LGALS4: variants seen among roughly 807,000 people sequenced by gnomAD.
LGALS4 encodes the protein galectin-4.
Under a neutral mutation model 39.6 loss-of-function variants are expected in LGALS4, and 37 were observed. That is an observed-to-expected ratio of 0.93 (90% CI 0.72 to 1.23). LGALS4 has a LOEUF of 1.23. LGALS4 is among the 50% of genes most tolerant of loss of function. The pLI is 0.00. For missense variants in LGALS4, 397 were observed against 433.2 expected (o/e 0.92, Z 0.74); for synonymous variants, 160 against 165.5 (o/e 0.97, Z 0.25).
rs757039168 is a variant in LGALS4 at position 38,812,484 on chromosome 19, G to A, written c.81C>T (p.Leu27=). ...LPYYQPIPGG[L]NVGMSVYIQG... ...GGATGTAAACAGACATTCCCACGTT[G>A]AGCCCGCCCGGGATGGGCTGGTAGT... Residue 27 remains leucine (L), a synonymous_variant, in exon 2 of 10, where the codon CTC becomes CTT. Transcript: ENST00000307751. 7.4e-6 allele frequency: 12 copies of A among 1,614,080 alleles called. No individual in the cohort carries two copies. Among genetic ancestry groups the A allele is most frequent in the Non-Finnish European group, 1.0e-5 (12 of 1,180,040 alleles).
At position 38,812,928 on chromosome 19, in the gene LGALS4, G is replaced by T; in HGVS notation, c.-42C>A. The T allele has an allele frequency of 2.5e-6, 4 of 1,590,904 alleles. No individual in the cohort carries two copies. The highest frequency in any genetic ancestry group is 1.3e-5 in the African/African-American group (1 of 74,664). On this transcript the variant is annotated 5_prime_UTR_variant, in exon 1 of 10. Coordinates refer to ENST00000307751, the MANE Select transcript of LGALS4 (RefSeq NM_006149.4). ...AGTGGCTGGTCCTGTGAGAAGAGCT[G>T]CAGGAGTGGGAGATGGTGGCGGATG... is the stretch of plus-strand genomic sequence containing the variant.
intron 3 of LGALS4, 71 bp from the exon 4 acceptor site, chr19:38,806,666 G>A: frequency 3.2e-6 from 5 of 1,557,382 alleles, no homozygotes; most frequent in Admixed American, 1.7e-5. Flanking sequence ...GGAAGCAAGG[G>A]CAGGGCACCC....
intron 2 of LGALS4, among the ~76,000 whole-genome samples, chr19:38,810,138 C>G (rs1421673519): frequency 6.6e-6 from 1 of 152,120 alleles, no homozygotes; most frequent in Non-Finnish European, 1.5e-5. Context: ...TGTTCCCTTC[C>G]CAGGCAGGCC....
intron 2 of LGALS4, 140 bp downstream of exon 2, chr19:38,812,291 T>C: frequency 1.5e-6 from 1 of 679,162 alleles, no homozygotes; most frequent in Non-Finnish European, 2.5e-6. Context: ...CCCAGATTCA[T>C]CTCTGGCTAT....
rs201661817 is a variant in LGALS4 at position 38,801,835 on chromosome 19, G to A, written c.901C>T (p.Leu301Phe). ...GTGTCCACCCTCTGGAAGGCCGAGA[G>A]GCGATGGGCAAAGTCAAAGAGGTGC... ...GQHLFDFAHR[L>F]SAFQRVDTLE... The change falls in exon 10 of 10, where the codon CTC (leucine) becomes TTC (phenylalanine). Residue 301 changes from leucine to phenylalanine, a missense_variant. Physicochemically the swap from Leu to Phe is conservative, Grantham distance 22. Transcript: ENST00000307751. 2.0e-5 allele frequency: 32 copies of A among 1,614,216 alleles called. No homozygotes were observed. In the African/African-American group the frequency reaches 2.9e-4, roughly 15 times the overall value.
In LGALS4 at chr19:38,803,523, G is replaced by A. The variant is rs770321506; in HGVS notation, c.569C>T (p.Pro190Leu). 7.4e-5 allele frequency: 119 copies of A among 1,613,714 alleles called. No homozygotes were observed. Among genetic ancestry groups the A allele is most frequent in the Non-Finnish European group, 1.0e-4 (118 of 1,179,842 alleles). ...PTMEGPPTFN[P>L]PVPYFGRLQG... is the part of the protein sequence containing the mutation. ...CATCTCTGTTTCCCCAAGCCATACC[G>A]GGTTGAAGGTTGGGGGTCCTTCCAT... The change falls in exon 7 of 10, where the codon CCG (proline) becomes CTG (leucine). Residue 190 changes from proline to leucine, a missense_variant and splice_region_variant. Physicochemically the swap from Pro to Leu is moderately conservative, Grantham distance 98. Transcript: ENST00000307751.
intron 2 of LGALS4, among the ~76,000 whole-genome samples, chr19:38,812,190 C>A (rs1971501588): frequency 6.6e-6 from 1 of 152,212 alleles, no homozygotes; most frequent in African/African-American, 2.4e-5. Flanking sequence ...TTGCACCCAT[C>A]AGCTTCAGTC....
intron 2 of LGALS4, among the ~76,000 whole-genome samples, 178 bp from the exon 3 acceptor site, chr19:38,809,126 AG>A (rs376836938): frequency 4.1e-5 from 6 of 144,598 alleles, no homozygotes; most frequent in African/African-American, 1.0e-4. Flanking sequence ...CTGAGTTCTG[AG>A]GGGGGCAGAT....
rs1971422994 is a variant in LGALS4 at position 38,806,473 on chromosome 19, G to A, written c.462C>T (p.Pro154=). 6.2e-7 allele frequency: 1 copy of A among 1,614,168 alleles called. No homozygotes were observed. The highest frequency in any genetic ancestry group is 8.5e-7 in the Non-Finnish European group (1 of 1,180,018). Residue 154 remains proline, a synonymous_variant, in exon 4 of 10, where the codon CCC becomes CCT. Transcript: ENST00000307751. ...GGACCCCTCACACCTGGGGCCGGAGGGGCTGGCCTCCGATGAAGTTGATTG... is the reference window on the plus strand; with the variant it reads ...GGACCCCTCACACCTGGGGCCGGAGAGGCTGGCCTCCGATGAAGTTGATTG... ...LQSINFIGGQ[P]LRPQGPPMMP...
chr19:38,811,751 C>T (rs1157927002), intron 2 of LGALS4, among the ~76,000 whole-genome samples: 2 of 151,642 alleles, frequency 1.3e-5, no homozygotes, highest in African/African-American at 4.8e-5. Flanking sequence ...CAGTGGCTCA[C>T]GCCTGTAATC....
At chr19:38,804,049 G>A (rs1284044567) in intron 4 of LGALS4, among the ~76,000 whole-genome samples, 154 bp from the exon 5 acceptor site, 1 of 152,110 alleles carries the variant, frequency 6.6e-6, no homozygotes, top group Non-Finnish European at 1.5e-5. Flanking sequence ...ACAGATTCAC[G>A]GAGAGGGGCA....
At position 38,808,871 on chromosome 19, in the gene LGALS4, C is replaced by T. The variant is rs749026785; in HGVS notation, c.212G>A (p.Trp71Ter). ...CAACGTGTTGAAGACCACCTTGTCC[C>T]AGCCGTCAAACCGCGGATTGAAGTG... ...AFHFNPRFDG[W>*]DKVVFNTLQG... is the part of the protein sequence containing the mutation. Residue 71 changes from tryptophan to a stop codon, truncating the protein, a stop_gained, in exon 3 of 10, where the codon TGG (tryptophan) becomes TAG (stop). Coordinates refer to ENST00000307751, the MANE Select transcript of LGALS4 (RefSeq NM_006149.4). LOFTEE classifies it high-confidence loss of function. 1 of 1,614,164 alleles carries T rather than the reference C, an allele frequency of 6.2e-7. No homozygotes were observed. Among genetic ancestry groups the T allele is most frequent in the Admixed American group, 1.7e-5 (1 of 60,000 alleles).
In LGALS4 at chr19:38,803,756, G is replaced by C. The variant is rs773435712; in HGVS notation, c.526C>G (p.Leu176Val). 6.8e-6 allele frequency: 11 copies of C among 1,613,396 alleles called. No homozygotes were observed. Among genetic ancestry groups the C allele is most frequent in the Non-Finnish European group, 8.5e-6 (10 of 1,179,766 alleles). ...YPGPGHCHQQ[L>V]NSLPTMEGPP... ...CTCCCACTCACGGGCAGGCTGTTCA[G>C]CTGTTGATGGCAATGTCCGGGACCC... Residue 176 changes from leucine (L) to valine (V), a missense_variant, in exon 6 of 10, where the codon CTG (leucine) becomes GTG (valine). Transcript: ENST00000307751.
At chr19:38,809,336 CGTCCG>C (rs1971465561) in intron 2 of LGALS4, among the ~76,000 whole-genome samples, 2 of 150,612 alleles carry the variant, frequency 1.3e-5, no homozygotes, top group South Asian at 4.2e-4. Context: ...TGCACCACCA[CGTCCG>C]GCTAATTTTT....
At position 38,803,830 on chromosome 19, in the gene LGALS4, A is replaced by T. The variant is rs374646838; in HGVS notation, c.501+39T>A. 1.2e-5 allele frequency: 19 copies of T among 1,612,886 alleles called. No homozygotes were observed. The African/African-American group carries it at 2.3e-4, about 19-fold the overall frequency. On this transcript the variant is annotated intron_variant, in intron 5 of 9. Coordinates refer to ENST00000307751, the MANE Select transcript of LGALS4 (RefSeq NM_006149.4). Reference sequence around the variant, plus strand: ...AGGGTGAGAGGGGCTGAGGGACCCCACTAGGGAGGAAGACCCTCACCTATC... The same window carrying T: ...AGGGTGAGAGGGGCTGAGGGACCCCTCTAGGGAGGAAGACCCTCACCTATC...
intron 4 of LGALS4, 65 bp from the exon 5 acceptor site, chr19:38,803,960 A>G (rs1156661056): frequency 1.3e-6 from 2 of 1,542,438 alleles, no homozygotes; most frequent in South Asian, 1.2e-5. Context: ...AAAGATGTCG[A>G]GAGTGCCTGC....
At chr19:38,809,644 C>CTTTTTTTTTTTTTTTTTT (rs66473176) in intron 2 of LGALS4, among the ~76,000 whole-genome samples, 3 of 74,516 alleles carry the variant, frequency 4.0e-5, no homozygotes, top group Non-Finnish European at 7.1e-5. Context: ...CTATGCCTGG[C>CTTTTTTTTTTTTTTTTTT]TTTTTTTTTT....
In LGALS4 at chr19:38,806,496, T is replaced by C. The variant is rs764796707; in HGVS notation, c.439A>G (p.Ile147Val). Residue 147 changes from isoleucine to valine, a missense_variant, in exon 4 of 10, where the codon ATC becomes GTC. By Grantham distance (29) the Ile-to-Val change is conservative. Transcript: ENST00000307751. Reference sequence around the variant, plus strand: ...AGGGGCTGGCCTCCGATGAAGTTGATTGATTGAAGTTGCAGATCCCCATCC... The same window carrying C: ...AGGGGCTGGCCTCCGATGAAGTTGACTGATTGAAGTTGCAGATCCCCATCC... ...QVDGDLQLQSINFIGGQPLRP... is the reference protein window; with the variant it reads ...QVDGDLQLQSVNFIGGQPLRP... 13 of 1,613,964 alleles carry C rather than the reference T, an allele frequency of 8.1e-6. No individual in the cohort carries two copies. In the East Asian group the frequency reaches 2.7e-4, roughly 33 times the overall value.
chr19:38,808,982 C>T (rs905092435), intron 2 of LGALS4, 34 bp from the exon 3 acceptor site: 3 of 1,548,110 alleles, frequency 1.9e-6, no homozygotes, highest in Non-Finnish European at 2.6e-6. Flanking sequence ...TCCCCTGGTG[C>T]CACCTCCCGG....
Sources: gnomAD v4.1 joint callset for allele counts (sites outside exome capture counted in the v4.1 genomes callset) on GRCh38, gnomAD v4.1.1 for gene constraint, MANE v1.5 for transcripts, NCBI Gene and HGNC (gene_info 2026-07-23, HGNC 2026-07-21) for gene names.